The following ITGB6 variants were observed in gnomAD, a reference collection of about 807,000 sequenced individuals.
The protein encoded by ITGB6 is integrin beta-6.
A neutral mutation model predicts 84.5 loss-of-function variants in ITGB6; 80 were observed. That is an observed-to-expected ratio of 0.95 (90% CI 0.79 to 1.14). The LOEUF (loss-of-function observed/expected upper bound fraction) is 1.14, where lower values mean the gene tolerates loss of function less well. ITGB6 is among the 50% of genes most tolerant of loss of function. ITGB6 has a pLI of 0.00. For missense variants in ITGB6, 1,006 were observed against 968.0 expected, an observed-to-expected ratio of 1.04 and a Z score of -0.52; for synonymous variants, 383 against 354.9, an observed-to-expected ratio of 1.08 and a Z score of -0.89.
chr2:160,112,240 CAA>C (rs1682566705), intron 12 of ITGB6, 41 bp from the exon 13 acceptor site: 4 of 1,555,498 alleles, frequency 2.6e-6, no homozygotes, highest in African/African-American at 1.4e-5. Flanking sequence ...AACAAGATTC[CAA>C]AAGAGATTGT....
chr2:160,107,463 A>G (rs1295212299), intron 14 of ITGB6, among the ~76,000 whole-genome samples: 1 of 152,110 alleles, frequency 6.6e-6, no homozygotes, highest in African/African-American at 2.4e-5. Flanking sequence ...CGTGGTGGAA[A>G]TCCCCACCGC....
chr2:160,141,726 G>T (rs1684007423), intron 8 of ITGB6, among the ~76,000 whole-genome samples: 1 of 151,968 alleles, frequency 6.6e-6, no homozygotes, highest in South Asian at 2.1e-4. Flanking sequence ...CAATGTTACT[G>T]TTGCTTATTA....
At chr2:160,193,488 C>T (rs1334560270) in intron 4 of ITGB6, among the ~76,000 whole-genome samples, 3 of 152,118 alleles carry the variant, frequency 2.0e-5, no homozygotes, top group Admixed American at 1.3e-4. Flanking sequence ...CTGACTGTAA[C>T]GTGAAATTTC....
At chr2:160,137,051 A>G (rs1683762699) in intron 10 of ITGB6, among the ~76,000 whole-genome samples, 2 of 107,792 alleles carry the variant, frequency 1.9e-5, no homozygotes, top group South Asian at 5.4e-4. Flanking sequence ...TAAAGTATAA[A>G]TAAAAAAAAA....
chr2:160,174,015 C>T lies in ITGB6; in HGVS notation c.718G>A (p.Glu240Lys), dbSNP rs140624114. 21 of 1,613,642 alleles carry T rather than the reference C, an allele frequency of 1.3e-5. No individual in the cohort carries two copies. Among genetic ancestry groups the T allele is most frequent in the Non-Finnish European group, 1.7e-5 (20 of 1,179,918 alleles). ...QKISANIDTP[E>K]GGFDAIMQAA... ...TGCATAATTGCATCAAATCCACCTTCGGGTGTGTCAATATTAGCAGAAATT... is the reference window on the plus strand; with the variant it reads ...TGCATAATTGCATCAAATCCACCTTTGGGTGTGTCAATATTAGCAGAAATT... Residue 240 changes from glutamate (E) to lysine (K), a missense_variant, in exon 5 of 15, where the codon GAA becomes AAA. By Grantham distance (56) the Glu-to-Lys change is moderately conservative. Coordinates refer to ENST00000283249, the MANE Select transcript of ITGB6 (RefSeq NM_000888.5).
rs558018634 is a variant in ITGB6 at position 160,118,918 on chromosome 2, G to A, written c.1981+4873C>T. Among the ~76,000 whole-genome samples the A allele has an allele frequency of 5.3e-5, 8 of 152,258 alleles. No individual in the cohort carries two copies. In the East Asian group the frequency reaches 1.5e-3, roughly 29 times the overall value. On this transcript the variant is annotated intron_variant, in intron 12 of 14. Coordinates refer to ENST00000283249, the MANE Select transcript of ITGB6 (RefSeq NM_000888.5). The stretch of plus-strand genomic sequence containing the variant: ...CATGAGTGAACTCCCATTCACAATT[G>A]CTTCAAAGAGAATAAAATACCTAGG...
At chr2:160,114,655 G>C (rs895365064) in intron 12 of ITGB6, among the ~76,000 whole-genome samples, 1 of 152,176 alleles carries the variant, frequency 6.6e-6, no homozygotes, top group South Asian at 2.1e-4. Flanking sequence ...GACAGTGGGT[G>C]CAGGTCAGTG....
At chr2:160,111,200 A>G (rs1682493095) in intron 13 of ITGB6, among the ~76,000 whole-genome samples, 1 of 152,178 alleles carries the variant, frequency 6.6e-6, no homozygotes, top group South Asian at 2.1e-4. Flanking sequence ...TTATTCTGGA[A>G]ATTCGTTTTT....
intron 8 of ITGB6, among the ~76,000 whole-genome samples, chr2:160,141,071 C>A (rs764565650): frequency 6.6e-6 from 1 of 151,812 alleles, no homozygotes; most frequent in Non-Finnish European, 1.5e-5. Context: ...TACAGATGGG[C>A]CTTTTTTTTT....
intron 12 of ITGB6, among the ~76,000 whole-genome samples, chr2:160,121,177 C>T (rs1683021707): frequency 6.6e-6 from 1 of 151,954 alleles, no homozygotes; most frequent in Non-Finnish European, 1.5e-5. Context: ...TTCAAAAAAA[C>T]AAAAACGAAA....
chr2:160,154,319 A>C lies in ITGB6; in HGVS notation c.1018-12248T>G, dbSNP rs546145526. ...GAAGCTGGAACCCATCATTCTCAGCAAACTATCACAAGGACAGAAAACCAA... is the reference window on the plus strand; with the variant it reads ...GAAGCTGGAACCCATCATTCTCAGCCAACTATCACAAGGACAGAAAACCAA... On this transcript the variant is annotated intron_variant, in intron 7 of 14. Transcript: ENST00000283249. 2.0e-5 allele frequency among the ~76,000 whole-genome samples: 3 copies of C among 152,176 alleles called. No individual in the cohort carries two copies. The South Asian group carries it at 6.2e-4, about 32-fold the overall frequency.
intron 7 of ITGB6, among the ~76,000 whole-genome samples, chr2:160,147,168 TGAAA>T (rs1237912935): frequency 4.3e-5 from 6 of 140,718 alleles, no homozygotes; most frequent in Non-Finnish European, 7.9e-5. Flanking sequence ...AAGAAAGAAA[TGAAA>T]GAAAGAAAGA....
Position 160,126,720 on chromosome 2 carries a change from G to A in ITGB6, c.1661-119C>T. The A allele has an allele frequency of 1.4e-5, 13 of 905,774 alleles. No homozygotes were observed. The Admixed American group carries it at 2.0e-4, about 14-fold the overall frequency. 56.1% of individuals were successfully genotyped at this position (905,774 alleles called of 1,614,324 possible). ...CGTCATCAAAAGACAAGAAAAAAAT[G>A]AGAAAAAAAGTATGTGTGTGAGGGG... On this transcript the variant is annotated intron_variant, in intron 10 of 14. Coordinates refer to ENST00000283249, the MANE Select transcript of ITGB6 (RefSeq NM_000888.5).
intron 7 of ITGB6, among the ~76,000 whole-genome samples, chr2:160,146,139 G>C (rs1684177584): frequency 6.6e-6 from 1 of 152,048 alleles, no homozygotes; most frequent in Admixed American, 6.6e-5. Context: ...CTCATTTGAG[G>C]GTGAGAAGTC....
Position 160,107,834 on chromosome 2 carries a change from G to A in ITGB6, c.2113C>T (p.Pro705Ser). 6.3e-7 allele frequency: 1 copy of A among 1,597,974 alleles called. No individual in the cohort carries two copies. Among genetic ancestry groups the A allele is most frequent in the Non-Finnish European group, 8.5e-7 (1 of 1,170,258 alleles). The change falls in exon 14 of 15, where the codon CCT becomes TCT. Residue 705 changes from proline to serine, a missense_variant. Pro to Ser is a moderately conservative substitution (Grantham distance 74). Coordinates refer to ENST00000283249, the MANE Select transcript of ITGB6 (RefSeq NM_000888.5). The stretch of plus-strand genomic sequence containing the variant: ...AACATGATCATGGGAATGTTTGGAG[G>A]CTTCGGACAATCTGCAGAAATAAAG... ...HSINEKDCPKPPNIPMIMLGV... is the reference protein window; with the variant it reads ...HSINEKDCPKSPNIPMIMLGV...
intron 7 of ITGB6, among the ~76,000 whole-genome samples, chr2:160,164,511 C>T (rs1178708655): frequency 6.6e-6 from 1 of 152,102 alleles, no homozygotes; most frequent in Non-Finnish European, 1.5e-5. Context: ...GGCTAACTAA[C>T]ATGGCGAAAC....
chr2:160,195,555 T>A lies in ITGB6; in HGVS notation c.407A>T (p.Tyr136Phe). The A allele has an allele frequency of 6.2e-7, 1 of 1,614,118 alleles. No individual in the cohort carries two copies. The highest frequency in any genetic ancestry group is 8.5e-7 in the Non-Finnish European group (1 of 1,180,002). Residue 136 changes from tyrosine to phenylalanine, a missense_variant, in exon 4 of 15, where the codon TAT (tyrosine) becomes TTT (phenylalanine). Tyr to Phe is a conservative substitution (Grantham distance 22). Coordinates refer to ENST00000283249, the MANE Select transcript of ITGB6 (RefSeq NM_000888.5). The stretch of plus-strand genomic sequence containing the variant: ...GGAGGCGGAGAGGTCCATGAGGTAA[T>A]ACAAATCCACCGGGTAGTCCTCAGT... ...RQTEDYPVDL[Y>F]YLMDLSASMD...
intron 4 of ITGB6, among the ~76,000 whole-genome samples, chr2:160,190,518 C>G (rs977761107): frequency 6.6e-6 from 1 of 152,158 alleles, no homozygotes; most frequent in Admixed American, 6.5e-5. Context: ...GGTTAATCAC[C>G]ATGCGATACT....
intron 4 of ITGB6, among the ~76,000 whole-genome samples, chr2:160,189,251 T>C (rs1390118736): frequency 3.3e-5 from 5 of 152,158 alleles, no homozygotes. Flanking sequence ...ATAAAAACTC[T>C]AGAAGAAAAC....
Sources: gnomAD v4.1 joint callset for allele counts (sites outside exome capture counted in the v4.1 genomes callset) on GRCh38, gnomAD v4.1.1 for gene constraint, MANE v1.5 for transcripts, NCBI Gene and HGNC (gene_info 2026-07-23, HGNC 2026-07-21) for gene names.